CNTN5: variants seen among roughly 807,000 people sequenced by gnomAD.
CNTN5 encodes the protein contactin 5.
Under a neutral mutation model 129.1 loss-of-function variants are expected in CNTN5, and 77 were observed. That is an observed-to-expected ratio of 0.60 (90% CI 0.50 to 0.72). The LOEUF (loss-of-function observed/expected upper bound fraction) is 0.72. Ranked by LOEUF, CNTN5 falls within the 30% of genes least tolerant of loss-of-function variation. The pLI, the probability that CNTN5 is intolerant of heterozygous loss-of-function variation, is 0.00. For missense variants in CNTN5, 1,478 were observed against 1,328.8 expected, an observed-to-expected ratio of 1.11 and a Z score of -1.75; for synonymous variants, 509 against 465.6, an observed-to-expected ratio of 1.09 and a Z score of -1.20.
At chr11:99,760,947 G>T (rs563809952) in intron 3 of CNTN5, among the ~76,000 whole-genome samples, 1 of 152,032 alleles carries the variant, frequency 6.6e-6, no homozygotes, top group African/African-American at 2.4e-5. Context: ...AGAAAAAAAC[G>T]TTTTCTAATG....
At chr11:99,448,405 G>A (rs574824579) in intron 2 of CNTN5, among the ~76,000 whole-genome samples, 11 of 152,268 alleles carry the variant, frequency 7.2e-5, no homozygotes, top group African/African-American at 2.2e-4. Flanking sequence ...AGTATATCAT[G>A]CATATGCACT....
intron 1 of CNTN5, among the ~76,000 whole-genome samples, chr11:99,183,423 C>T (rs561204042): frequency 1.3e-4 from 20 of 152,244 alleles, no homozygotes; most frequent in East Asian, 7.7e-4. Context: ...ACTATTGTTG[C>T]TGCTGAGTCA....
At chr11:99,131,082 G>A (rs1457599537) in intron 1 of CNTN5, among the ~76,000 whole-genome samples, 2 of 143,558 alleles carry the variant, frequency 1.4e-5, no homozygotes, top group Non-Finnish European at 1.5e-5. Context: ...CTAACATGGT[G>A]AAACCCCATC....
chr11:99,258,130 C>G (rs954281066), intron 1 of CNTN5, among the ~76,000 whole-genome samples: 11 of 152,018 alleles, frequency 7.2e-5, no homozygotes, highest in African/African-American at 2.4e-4. Context: ...TGAGACTTCT[C>G]AAACAAAAGA....
rs143222210 is a variant in CNTN5 at position 99,824,396 on chromosome 11, G to T, written c.277+4631G>T. Among the ~76,000 whole-genome samples the T allele has an allele frequency of 1.1e-3, 171 of 151,886 alleles. 2 individuals carry two copies. Among genetic ancestry groups the T allele is most frequent in the African/African-American group, 3.7e-3 (155 of 41,502 alleles). The stretch of plus-strand genomic sequence containing the variant: ...TTTCATGTAAATATTGGACATTCTG[G>T]TTTTTTCTAATGCATATTTCTTATT... On this transcript the variant is annotated intron_variant, in intron 4 of 24. Transcript: ENST00000524871.
At chr11:99,885,171 A>G (rs1443637747) in intron 6 of CNTN5, among the ~76,000 whole-genome samples, 1 of 152,114 alleles carries the variant, frequency 6.6e-6, no homozygotes, top group Non-Finnish European at 1.5e-5. Context: ...AGTCCTAGCT[A>G]CTGGGGGCGC....
intron 13 of CNTN5, among the ~76,000 whole-genome samples, chr11:100,136,779 C>T (rs1389250242): frequency 1.3e-5 from 1 of 79,846 alleles, no homozygotes. Context: ...GGCCTGGTTT[C>T]CACATTGTTA....
At chr11:99,916,310 T>G in intron 7 of CNTN5, among the ~76,000 whole-genome samples, 161 bp downstream of exon 7, 1 of 152,290 alleles carries the variant, frequency 6.6e-6, no homozygotes, top group South Asian at 2.1e-4. Context: ...TCACGTACTC[T>G]AAATATCATT....
At chr11:99,138,781 T>C (rs920810125) in intron 1 of CNTN5, among the ~76,000 whole-genome samples, 1 of 152,200 alleles carries the variant, frequency 6.6e-6, no homozygotes, top group Admixed American at 6.6e-5. Context: ...TGAATACTTA[T>C]ATATTTCATT....
At chr11:99,347,110 T>TA (rs1260759393) in intron 2 of CNTN5, among the ~76,000 whole-genome samples, 2 of 152,198 alleles carry the variant, frequency 1.3e-5, no homozygotes, top group Admixed American at 1.3e-4. Flanking sequence ...CCAGAGTTTT[T>TA]ACATCTTTGG....
chr11:99,969,829 T>C (rs1951200842), intron 8 of CNTN5, among the ~76,000 whole-genome samples: 1 of 152,178 alleles, frequency 6.6e-6, no homozygotes, highest in Non-Finnish European at 1.5e-5. Context: ...ACTTGGCCTT[T>C]GTTCCATGAA....
intron 3 of CNTN5, among the ~76,000 whole-genome samples, chr11:99,810,336 T>C (rs1484338835): frequency 6.6e-6 from 1 of 152,176 alleles, no homozygotes; most frequent in Non-Finnish European, 1.5e-5. Context: ...TCTTTTCCCT[T>C]GTAAATATGT....
rs1944932474 is a variant in CNTN5, at chr11:99,466,133, T to C, written c.-70-90012T>C. Among the ~76,000 whole-genome samples, 4 of 152,116 alleles carry C rather than the reference T, an allele frequency of 2.6e-5. No individual in the cohort carries two copies. In the South Asian group the frequency reaches 6.3e-4, roughly 24 times the overall value. On this transcript the variant is annotated intron_variant, in intron 2 of 24. Transcript: ENST00000524871. ...TCCTGACCTCGTGATCCACCCGCCTTGGCCTCCCAAAGTGCTGGGATTACA... is the reference window on the plus strand; with the variant it reads ...TCCTGACCTCGTGATCCACCCGCCTCGGCCTCCCAAAGTGCTGGGATTACA...
intron 2 of CNTN5, among the ~76,000 whole-genome samples, chr11:99,427,848 G>GT (rs1267975579): frequency 2.7e-5 from 4 of 149,804 alleles, no homozygotes; most frequent in Non-Finnish European, 5.9e-5. Flanking sequence ...GGAAATTTTG[G>GT]TTTTTTAAAC....
At chr11:99,915,374 G>A (rs554765183) in intron 6 of CNTN5, among the ~76,000 whole-genome samples, 5 of 152,160 alleles carry the variant, frequency 3.3e-5, no homozygotes, top group African/African-American at 1.2e-4. Flanking sequence ...CATAGTTTAA[G>A]GGAAGGCCAT....
intron 1 of CNTN5, among the ~76,000 whole-genome samples, chr11:99,166,397 CAAAAAAA>C (rs57810491): frequency 4.8e-5 from 4 of 82,922 alleles, no homozygotes; most frequent in Non-Finnish European, 7.3e-5. Flanking sequence ...AAGACTCTGT[CAAAAAAA>C]AAAAAAAAAA....
intron 2 of CNTN5, among the ~76,000 whole-genome samples, chr11:99,398,814 G>A (rs888468203): frequency 6.6e-6 from 1 of 151,832 alleles, no homozygotes; most frequent in Non-Finnish European, 1.5e-5. Context: ...ACTCTAAACA[G>A]CTGTGGGCAG....
intron 7 of CNTN5, among the ~76,000 whole-genome samples, chr11:99,946,487 G>C (rs1306031067): frequency 2.0e-5 from 3 of 152,034 alleles, no homozygotes; most frequent in South Asian, 2.1e-4. Flanking sequence ...AATCTCTGCT[G>C]TATCTTGGAA....
chr11:100,081,192 A>G (rs1944352489), intron 13 of CNTN5, among the ~76,000 whole-genome samples: 1 of 152,074 alleles, frequency 6.6e-6, no homozygotes, highest in Admixed American at 6.6e-5. Context: ...GCATTTTATT[A>G]TATTTTATTA....
Sources: allele counts gnomAD v4.1 joint callset (sites outside exome capture counted in the v4.1 genomes callset), GRCh38; gene constraint gnomAD v4.1.1; transcripts MANE v1.5; gene names NCBI Gene and HGNC (gene_info 2026-07-23, HGNC 2026-07-21).